The following PDE1C variants were observed in gnomAD, a reference collection of about 807,000 sequenced individuals.
PDE1C encodes phosphodiesterase 1C, also known as dual specificity calcium/calmodulin-dependent 3',5'-cyclic nucleotide phosphodiesterase 1C.
A neutral mutation model predicts 93.1 loss-of-function variants in PDE1C; 62 were observed. The observed-to-expected ratio is 0.67, with a 90% confidence interval of 0.54 to 0.82. The LOEUF (loss-of-function observed/expected upper bound fraction) is 0.82. PDE1C is among the 40% of genes least tolerant of loss of function. PDE1C has a pLI of 0.00. For missense variants in PDE1C, 742 were observed against 884.6 expected (o/e 0.84, Z 2.04); for synonymous variants, 325 against 310.1 (o/e 1.05, Z -0.50).
intron 2 of PDE1C, among the ~76,000 whole-genome samples, chr7:31,898,509 T>C (rs1313683957): frequency 6.6e-6 from 1 of 152,200 alleles, no homozygotes; most frequent in Non-Finnish European, 1.5e-5. Flanking sequence ...CATATCATAA[T>C]TTATAAAATC....
intron 1 of PDE1C, among the ~76,000 whole-genome samples, chr7:32,257,340 C>T (rs1809878971): frequency 6.6e-6 from 1 of 152,182 alleles, no homozygotes; most frequent in Non-Finnish European, 1.5e-5. Flanking sequence ...TAAGCCTGTC[C>T]TTGGAACAGA....
At chr7:31,976,153 C>G (rs1314003925) in intron 2 of PDE1C, among the ~76,000 whole-genome samples, 2 of 152,180 alleles carry the variant, frequency 1.3e-5, no homozygotes, top group African/African-American at 2.4e-5. Flanking sequence ...AACAAATTAA[C>G]ATACAATCTG....
intron 3 of PDE1C, among the ~76,000 whole-genome samples, chr7:32,108,271 CACA>C (rs1278932952): frequency 1.4e-5 from 2 of 142,444 alleles, no homozygotes; most frequent in Non-Finnish European, 3.1e-5. Context: ...ATATGTTGTC[CACA>C]ACAACAAAAA....
intron 2 of PDE1C, among the ~76,000 whole-genome samples, chr7:31,947,431 G>C (rs960721093): frequency 3.3e-5 from 5 of 152,090 alleles, no homozygotes; most frequent in African/African-American, 9.7e-5. Flanking sequence ...TGTTATATTT[G>C]ACTGAGTCAT....
At chr7:32,030,074 T>G (rs1790097685) in intron 2 of PDE1C, among the ~76,000 whole-genome samples, 2 of 128,314 alleles carry the variant, frequency 1.6e-5, no homozygotes, top group African/African-American at 3.0e-5. Flanking sequence ...AAAATGCATA[T>G]TATAACACAC....
At chr7:32,361,049 C>T (rs183868328) in intron 1 of PDE1C, among the ~76,000 whole-genome samples, 5 of 152,204 alleles carry the variant, frequency 3.3e-5, no homozygotes, top group Non-Finnish European at 4.4e-5. Flanking sequence ...GGATGGGGAG[C>T]GAAAAGAAGG....
At chr7:32,141,156 A>AT (rs772704229) in intron 3 of PDE1C, among the ~76,000 whole-genome samples, 1 of 152,228 alleles carries the variant, frequency 6.6e-6, no homozygotes, top group Non-Finnish European at 1.5e-5. Context: ...CCCATCCCTC[A>AT]TAAGTGTGGC....
chr7:31,617,861 A>G, the PDE1C span, among the ~76,000 whole-genome samples: 4 of 152,230 alleles, frequency 2.6e-5, no homozygotes, highest in Non-Finnish European at 5.9e-5. Context: ...TATTAAGAAG[A>G]GAGTTACTTT....
In PDE1C at chr7:31,754,276, C is replaced by T. The variant is rs60545133; in HGVS notation, c.1961-723G>A. 9.6e-3 allele frequency among the ~76,000 whole-genome samples: 1,462 copies of T among 152,302 alleles called. 30 individuals are homozygous for T. The highest frequency in any genetic ancestry group is 0.033 in the African/African-American group (1,383 of 41,558). On this transcript the variant is annotated intron_variant, in intron 17 of 17. Transcript: ENST00000396191. The stretch of plus-strand genomic sequence containing the variant: ...ATGTAAAGTAATGGGAACTCCCATT[C>T]TTGCTGATTGGAATGCAAAATGGTA...
At chr7:32,276,423 C>T (rs965701224) in intron 1 of PDE1C, among the ~76,000 whole-genome samples, 4 of 152,206 alleles carry the variant, frequency 2.6e-5, no homozygotes, top group African/African-American at 9.6e-5. Flanking sequence ...TCTCCTTCAG[C>T]TCTCATGTTA....
chr7:32,134,518 A>T (rs1800095145), intron 3 of PDE1C, among the ~76,000 whole-genome samples: 2 of 151,948 alleles, frequency 1.3e-5, no homozygotes, highest in Non-Finnish European at 2.9e-5. Context: ...AATGAGGCAT[A>T]AAAAAAATAT....
intron 2 of PDE1C, among the ~76,000 whole-genome samples, chr7:31,950,883 TTGTC>T (rs1321083446): frequency 1.3e-5 from 2 of 152,186 alleles, no homozygotes; most frequent in Non-Finnish European, 1.5e-5. Flanking sequence ...TACGATATGT[TTGTC>T]TGCTGGGGCT....
At chr7:31,698,715 A>G in the PDE1C span, among the ~76,000 whole-genome samples, 1 of 152,220 alleles carries the variant, frequency 6.6e-6, no homozygotes, top group Admixed American at 6.5e-5. Flanking sequence ...ACATAATAGA[A>G]AGTCTGCTAG....
At chr7:32,263,340 T>TA (rs1810346501) in intron 1 of PDE1C, among the ~76,000 whole-genome samples, 1 of 152,130 alleles carries the variant, frequency 6.6e-6, no homozygotes, top group Admixed American at 6.5e-5. Flanking sequence ...CCTGCATATA[T>TA]ACATGTGCGG....
At chr7:32,340,052 T>C (rs1488707402) in intron 1 of PDE1C, among the ~76,000 whole-genome samples, 3 of 152,062 alleles carry the variant, frequency 2.0e-5, no homozygotes, top group Non-Finnish European at 4.4e-5. Flanking sequence ...ATGAGCTTTA[T>C]GGGAAGTAAG....
At chr7:32,065,042 G>T (rs1795219368) in intron 1 of PDE1C, among the ~76,000 whole-genome samples, 1 of 63,086 alleles carries the variant, frequency 1.6e-5, no homozygotes, top group Non-Finnish European at 3.7e-5. Context: ...ACTTCTGACG[G>T]AACGGCGGTG....
intron 5 of PDE1C, among the ~76,000 whole-genome samples, chr7:31,875,245 G>C (rs1260265364): frequency 1.3e-5 from 2 of 152,156 alleles, no homozygotes; most frequent in East Asian, 3.9e-4. Context: ...GTCCAGAAAG[G>C]AAAGGGCTCT....
At chr7:31,643,192 A>C in the PDE1C span, 1 of 1,613,930 alleles carries the variant, frequency 6.2e-7, no homozygotes, top group Non-Finnish European at 8.5e-7. Flanking sequence ...TACTCAAGAC[A>C]AGTTCCTTCA....
chr7:32,025,409 C>T (rs1206173143), intron 2 of PDE1C, among the ~76,000 whole-genome samples: 2 of 151,968 alleles, frequency 1.3e-5, no homozygotes, highest in Admixed American at 6.6e-5. Context: ...ACCAGTGGGG[C>T]ATGCAGACTA....
Sources: gnomAD v4.1 joint callset for allele counts (sites outside exome capture counted in the v4.1 genomes callset) on GRCh38, gnomAD v4.1.1 for gene constraint, MANE v1.5 for transcripts, NCBI Gene and HGNC (gene_info 2026-07-23, HGNC 2026-07-21) for gene names.